CCSER1: variants seen among roughly 807,000 people sequenced by gnomAD.
The protein encoded by CCSER1 is coiled-coil serine rich protein 1.
Under a neutral mutation model 82.0 loss-of-function variants are expected in CCSER1, and 41 were observed. The observed-to-expected ratio is 0.50, with a 90% CI of 0.39 to 0.65. CCSER1 has a LOEUF of 0.65. Among genes scored for constraint, CCSER1 ranks in the 30% least tolerant of loss-of-function variants. The pLI is 0.00. For missense variants in CCSER1, 1,119 were observed against 1,064.2 expected, an observed-to-expected ratio of 1.05 and a Z score of -0.72; for synonymous variants, 414 against 383.9, an observed-to-expected ratio of 1.08 and a Z score of -0.92.
chr4:90,683,558 A>T (rs1248051801), intron 6 of CCSER1, among the ~76,000 whole-genome samples: 2 of 152,132 alleles, frequency 1.3e-5, no homozygotes, highest in African/African-American at 4.8e-5. Context: ...CTTGCAAAAG[A>T]AATTAATGAC....
intron 5 of CCSER1, among the ~76,000 whole-genome samples, chr4:90,588,103 C>A (rs1782236519): frequency 6.6e-6 from 1 of 152,122 alleles, no homozygotes; most frequent in African/African-American, 2.4e-5. Context: ...TATTGGAGGG[C>A]CTGATCTCGA....
chr4:90,660,675 AATT>A (rs1236777773), intron 6 of CCSER1, among the ~76,000 whole-genome samples: 7 of 152,090 alleles, frequency 4.6e-5, no homozygotes, highest in Non-Finnish European at 1.0e-4. Flanking sequence ...TGATAAGAAA[AATT>A]ATTGTTTGTT....
chr4:91,579,294 A>G (rs1302514528), intron 10 of CCSER1, among the ~76,000 whole-genome samples: 2 of 151,618 alleles, frequency 1.3e-5, no homozygotes, highest in African/African-American at 4.8e-5. Flanking sequence ...GACCAATTCC[A>G]TAATGGTGGG....
intron 7 of CCSER1, among the ~76,000 whole-genome samples, chr4:90,734,548 G>C (rs1267686389): frequency 6.6e-6 from 1 of 151,928 alleles, no homozygotes; most frequent in African/African-American, 2.4e-5. Context: ...TTAACTCCTA[G>C]GTATTTATTT....
intron 10 of CCSER1, among the ~76,000 whole-genome samples, chr4:91,139,264 A>ATTT (rs371116774): frequency 6.7e-6 from 1 of 148,750 alleles, no homozygotes; most frequent in African/African-American, 2.5e-5. Context: ...TATGTACCAC[A>ATTT]TTTTTTTTTT....
At chr4:91,474,859 G>A (rs1757498941) in intron 10 of CCSER1, among the ~76,000 whole-genome samples, 1 of 148,756 alleles carries the variant, frequency 6.7e-6, no homozygotes, top group South Asian at 2.2e-4. Context: ...AAATTTGAGG[G>A]ATAAAAAGTA....
chr4:90,687,413 A>G (rs1735018370), intron 6 of CCSER1, among the ~76,000 whole-genome samples: 1 of 152,130 alleles, frequency 6.6e-6, no homozygotes, highest in Non-Finnish European at 1.5e-5. Context: ...ACAGGAAAAA[A>G]AAATAGACAC....
At chr4:91,191,735 T>A (rs114388955) in intron 10 of CCSER1, among the ~76,000 whole-genome samples, 2,715 of 152,316 alleles carry the variant, frequency 0.018, 64 homozygotes, top group African/African-American at 0.053. Flanking sequence ...TTGAAAGTGC[T>A]AACTTTATTA....
chr4:90,403,359 CGT>C (rs1753182417), intron 4 of CCSER1, among the ~76,000 whole-genome samples: 1 of 151,128 alleles, frequency 6.6e-6, no homozygotes, highest in Non-Finnish European at 1.5e-5. Context: ...ATTAGCCGGG[CGT>C]AGTGGCGGGC....
intron 6 of CCSER1, among the ~76,000 whole-genome samples, chr4:90,704,827 G>C (rs190799297): frequency 6.6e-6 from 1 of 152,052 alleles, no homozygotes; most frequent in African/African-American, 2.4e-5. Flanking sequence ...AGCTCCATCA[G>C]GTCATATAAG....
At chr4:90,846,172 C>G (rs1381337877) in intron 8 of CCSER1, among the ~76,000 whole-genome samples, 2 of 152,106 alleles carry the variant, frequency 1.3e-5, no homozygotes, top group African/African-American at 2.4e-5. Flanking sequence ...GCAGATTTCT[C>G]CATTGCCCAG....
chr4:90,620,853 G>A (rs1182444912), intron 5 of CCSER1, among the ~76,000 whole-genome samples: 4 of 151,938 alleles, frequency 2.6e-5, no homozygotes, highest in Non-Finnish European at 5.9e-5. Flanking sequence ...ACACTCTGTT[G>A]CCCAGGCTGG....
chr4:91,583,582 AG>A (rs1284005256), intron 10 of CCSER1, among the ~76,000 whole-genome samples: 2 of 151,482 alleles, frequency 1.3e-5, no homozygotes, highest in East Asian at 3.9e-4. Context: ...AAAAGTTTAA[AG>A]CATCTTGATT....
At chr4:91,393,551 G>A (rs1751789093) in intron 10 of CCSER1, among the ~76,000 whole-genome samples, 1 of 151,978 alleles carries the variant, frequency 6.6e-6, no homozygotes, top group East Asian at 1.9e-4. Flanking sequence ...GTAACCTGAA[G>A]ACAAATGGAT....
chr4:91,274,718 G>A (rs62312005), intron 10 of CCSER1, among the ~76,000 whole-genome samples: 37,431 of 151,850 alleles, frequency 0.25, 4,768 homozygotes, highest in South Asian at 0.38. Flanking sequence ...TTCTTTATTC[G>A]TTTGACCATT....
Position 90,143,408 on chromosome 4 carries a change from C to T in CCSER1, c.-42+15577C>T, listed in dbSNP as rs575345039. ...AGATTATTTAAATAATATCTTTTTT[C>T]TTAGACCATAAACTTCCTGAGAACA... On this transcript the variant is annotated intron_variant, in intron 1 of 10. Coordinates refer to ENST00000509176, the MANE Select transcript of CCSER1 (RefSeq NM_001145065.2). 2.2e-4 allele frequency among the ~76,000 whole-genome samples: 33 copies of T among 151,244 alleles called. No individual in the cohort carries two copies. In the South Asian group the frequency reaches 6.7e-3, roughly 31 times the overall value.
chr4:90,171,602 G>A (rs573421045), intron 1 of CCSER1, among the ~76,000 whole-genome samples: 1 of 152,004 alleles, frequency 6.6e-6, no homozygotes, highest in African/African-American at 2.4e-5. Flanking sequence ...ATTCCACTGT[G>A]TAAGTCCCTT....
intron 10 of CCSER1, among the ~76,000 whole-genome samples, chr4:91,098,755 G>T (rs1298144960): frequency 6.6e-6 from 1 of 151,910 alleles, no homozygotes; most frequent in Non-Finnish European, 1.5e-5. Flanking sequence ...GTTAGCCAGG[G>T]TGGTCTGGAT....
intron 9 of CCSER1, among the ~76,000 whole-genome samples, chr4:91,039,192 TTTTC>T (rs1021645765): frequency 4.2e-5 from 6 of 143,692 alleles, no homozygotes; most frequent in Middle Eastern, 3.6e-3. Flanking sequence ...ATGTCCAACT[TTTTC>T]TTTCTTTCTT....
Sources: allele counts gnomAD v4.1 joint callset (sites outside exome capture counted in the v4.1 genomes callset), GRCh38; gene constraint gnomAD v4.1.1; transcripts MANE v1.5; gene names NCBI Gene and HGNC (gene_info 2026-07-23, HGNC 2026-07-21).